ERO1B: variants seen among roughly 807,000 people sequenced by gnomAD.
ERO1B encodes endoplasmic reticulum oxidoreductase 1 beta.
In ERO1B, 49 loss-of-function variants were observed where a neutral mutation model predicts 75.3. That is an observed-to-expected ratio of 0.65 (90% CI 0.52 to 0.83). The LOEUF (loss-of-function observed/expected upper bound fraction) is 0.83. Among genes scored for constraint, ERO1B ranks in the 40% least tolerant of loss-of-function variants. The pLI, the probability that ERO1B is intolerant of heterozygous loss-of-function variation, is 0.00. For missense variants in ERO1B, 512 were observed against 560.1 expected, an observed-to-expected ratio of 0.91 and a Z score of 0.87; for synonymous variants, 191 against 192.9, an observed-to-expected ratio of 0.99 and a Z score of 0.08.
intron 5 of ERO1B, among the ~76,000 whole-genome samples, chr1:236,243,883 TTTTAA>T (rs1370344215): frequency 6.6e-6 from 1 of 152,204 alleles, no homozygotes; most frequent in African/African-American, 2.4e-5. Flanking sequence ...TTCAGAATTC[TTTTAA>T]TTTAAATTGT....
intron 3 of ERO1B, among the ~76,000 whole-genome samples, chr1:236,253,126 TAA>T (rs1419917027): frequency 6.6e-6 from 1 of 152,038 alleles, no homozygotes; most frequent in East Asian, 1.9e-4. Context: ...AAGCATGAAA[TAA>T]AAGACAACTG....
chr1:236,245,822 C>A (rs915920686), intron 5 of ERO1B, among the ~76,000 whole-genome samples: 4 of 150,234 alleles, frequency 2.7e-5, no homozygotes, highest in African/African-American at 4.9e-5. Context: ...GAACTCCTGG[C>A]CTCACATGAT....
intron 1 of ERO1B, among the ~76,000 whole-genome samples, chr1:236,279,440 CTGCACTGA>C (rs1308948232): frequency 1.4e-5 from 2 of 140,648 alleles, no homozygotes; most frequent in Non-Finnish European, 3.0e-5. Flanking sequence ...GAGGTGGAGG[CTGCACTGA>C]GCCAAGATGG....
chr1:236,225,352 A>G (rs1015657040), intron 12 of ERO1B, among the ~76,000 whole-genome samples: 15 of 152,242 alleles, frequency 9.9e-5, no homozygotes, highest in Admixed American at 1.3e-4. Context: ...TAAATTTAGT[A>G]AGACTGTAAT....
chr1:236,220,722 A>ATTT (rs34880815), intron 15 of ERO1B, 110 bp downstream of exon 15: 408,046 of 1,098,988 alleles, frequency 0.37, 59,565 homozygotes, highest in East Asian at 0.72. Context: ...ACAATATAAA[A>ATTT]TTTTTTTTTG....
intron 9 of ERO1B, among the ~76,000 whole-genome samples, chr1:236,232,043 T>C (rs763658107): frequency 4.6e-5 from 7 of 152,180 alleles, no homozygotes; most frequent in Non-Finnish European, 1.0e-4. Context: ...ATTGTACGGA[T>C]CTAAATCTGT....
At chr1:236,279,843 C>CAAAAAA (rs60949594) in intron 1 of ERO1B, among the ~76,000 whole-genome samples, 17 of 135,264 alleles carry the variant, frequency 1.3e-4, no homozygotes, top group Non-Finnish European at 2.0e-4. Context: ...GACACTATCT[C>CAAAAAA]AAAAAAAAAA....
At chr1:236,281,557 C>T in intron 1 of ERO1B, 125 bp downstream of exon 1, 1 of 629,546 alleles carries the variant, frequency 1.6e-6, no homozygotes, top group Non-Finnish European at 2.3e-6. Context: ...GTTTTCTGCT[C>T]GCCAGAAATC....
At chr1:236,234,271 CT>C (rs1198646962) in intron 8 of ERO1B, among the ~76,000 whole-genome samples, 2 of 152,036 alleles carry the variant, frequency 1.3e-5, no homozygotes, top group East Asian at 3.9e-4. Flanking sequence ...TTTTCCTCAT[CT>C]TTTCAGCAGT....
At chr1:236,220,653 C>A (rs1664113263) in intron 15 of ERO1B, 179 bp downstream of exon 15, 2 of 462,702 alleles carry the variant, frequency 4.3e-6, no homozygotes, top group Admixed American at 3.9e-5. Flanking sequence ...TTAGTTTTTC[C>A]TATGACCTGT....
At chr1:236,256,385 A>T (rs1665161260) in intron 2 of ERO1B, among the ~76,000 whole-genome samples, 1 of 151,436 alleles carries the variant, frequency 6.6e-6, no homozygotes, top group South Asian at 2.1e-4. Flanking sequence ...GAGTAAGCAC[A>T]CTCTGCACCT....
In ERO1B at chr1:236,216,355, A is replaced by G. The variant is rs1403945063; in HGVS notation, c.*2161T>C. Reference sequence around the variant, plus strand: ...GATGTGAATTGGAAAAACAGTTTAGATCACAAGAACCATAAAATGTCACCA... The same window carrying G: ...GATGTGAATTGGAAAAACAGTTTAGGTCACAAGAACCATAAAATGTCACCA... On this transcript the variant is annotated 3_prime_UTR_variant, in exon 16 of 16. Coordinates refer to ENST00000354619, the MANE Select transcript of ERO1B (RefSeq NM_019891.4). 1.3e-5 allele frequency: 2 copies of G among 152,176 alleles called. No homozygotes were observed. The highest frequency in any genetic ancestry group is 6.5e-5 in the Admixed American group (1 of 15,274). 9.4% of individuals were successfully genotyped at this position (152,176 alleles called of 1,614,324 possible).
intron 14 of ERO1B, 51 bp downstream of exon 14, chr1:236,221,873 G>A (rs41305554): frequency 0.047 from 65,711 of 1,391,348 alleles, 4,985 homozygotes; most frequent in East Asian, 0.4. Context: ...TGGACTCAGT[G>A]GAAAAAATAA....
At chr1:236,256,966 T>C (rs1405629) in intron 2 of ERO1B, among the ~76,000 whole-genome samples, 37,747 of 152,154 alleles carry the variant, frequency 0.25, 4,879 homozygotes, top group East Asian at 0.38. Flanking sequence ...CTGCCTCAGA[T>C]GCTCTCTTTG....
At position 236,253,426 on chromosome 1, in the gene ERO1B, G is replaced by A; in HGVS notation, c.302C>T (p.Pro101Leu). ...SIKDCHVEPCPESKIPVGIKA... is the reference protein window; with the variant it reads ...SIKDCHVEPCLESKIPVGIKA... ...CTGTTATTTTATTTATTATACCTCT[G>A]GACAGGGCTCCACATGACAGTCTTT... The change falls in exon 3 of 16, where the codon CCA becomes CTA. Residue 101 changes from proline to leucine, a missense_variant. Transcript: ENST00000354619. The A allele has an allele frequency of 1.3e-6, 2 of 1,599,434 alleles. No homozygotes were observed. Among genetic ancestry groups the A allele is most frequent in the South Asian group, 1.1e-5 (1 of 90,094 alleles).
At chr1:236,234,956 C>A (rs1429765397) in intron 8 of ERO1B, among the ~76,000 whole-genome samples, 1 of 152,108 alleles carries the variant, frequency 6.6e-6, no homozygotes, top group East Asian at 1.9e-4. Context: ...TTTTAAAATT[C>A]AAAAGTATAC....
rs1664460263 is a variant in ERO1B at position 236,233,317 on chromosome 1, AAAAAAAG to A, written c.674-485_674-479del. On this transcript the variant is annotated intron_variant, in intron 8 of 15. Coordinates refer to ENST00000354619, the MANE Select transcript of ERO1B (RefSeq NM_019891.4). The stretch of plus-strand genomic sequence containing the variant: ...AGAGCAAAATTCCGTCTCAAAAAAA[AAAAAAAG>A]AAGAAGGCTGGGCACGGTGGCTCAG... Among the ~76,000 whole-genome samples the A allele has an allele frequency of 2.0e-5, 3 of 151,486 alleles. No individual in the cohort carries two copies. The South Asian group carries it at 6.3e-4, about 32-fold the overall frequency.
intron 5 of ERO1B, among the ~76,000 whole-genome samples, 177 bp from the exon 6 acceptor site, chr1:236,243,672 A>T (rs1193388115): frequency 6.6e-6 from 1 of 152,158 alleles, no homozygotes; most frequent in South Asian, 2.1e-4. Context: ...ATAGGAAAAT[A>T]TATGTATTAA....
In ERO1B at chr1:236,232,679, CTT is replaced by C. The variant is rs11388266; in HGVS notation, c.685+147_685+148del. The C allele has an allele frequency of 1.7e-4, 71 of 406,592 alleles. No homozygotes were observed. In the East Asian group the frequency reaches 1.8e-3, roughly 10 times the overall value. 25.2% of individuals were successfully genotyped at this position (406,592 alleles called of 1,614,324 possible). A position where few individuals can be genotyped will look rare whatever the true frequency, so the allele number is the denominator to read the frequency against. On this transcript the variant is annotated intron_variant, in intron 9 of 15. Transcript: ENST00000354619. ...GATAACTTGATATATATAAAATAAT[CTT>C]TTTTTTTTTGGTCACCATTCATTAG...
Sources: gnomAD v4.1 joint callset for allele counts (sites outside exome capture counted in the v4.1 genomes callset) on GRCh38, gnomAD v4.1.1 for gene constraint, MANE v1.5 for transcripts, NCBI Gene and HGNC (gene_info 2026-07-23, HGNC 2026-07-21) for gene names.